KRT84: variants seen among roughly 807,000 people sequenced by gnomAD.
The protein encoded by KRT84 is keratin 84.
In KRT84, 38 loss-of-function variants were observed where a neutral mutation model predicts 49.0. That is an observed-to-expected ratio of 0.78 (90% CI 0.60 to 1.02). The LOEUF is 1.02. Among genes scored for constraint, KRT84 ranks in the 50% least tolerant of loss-of-function variants. The probability of loss-of-function intolerance (pLI) is 0.00; values close to 1 mark genes in which losing one functional copy is unlikely to be tolerated. For synonymous variants in KRT84, 334 were observed against 312.8 expected (o/e 1.07, Z -0.72); for missense variants, 860 against 788.6 (o/e 1.09, Z -1.08).
Position 52,381,445 on chromosome 12 carries a change from A to G in KRT84, c.993T>C (p.Asp331=), listed in dbSNP as rs779779148. The G allele has an allele frequency of 5.0e-6, 8 of 1,614,026 alleles. No homozygotes were observed. The highest frequency in any genetic ancestry group is 1.6e-4 in the Middle Eastern group (1 of 6,084). ...GGGCCTTGACCTCAGCAATGATCCC[A>G]TCAAGGTTCAGGTCACGGCTGTTGT... ...KMDNSRDLNL[D]GIIAEVKAQY... is the part of the protein sequence containing the mutation. Residue 331 remains aspartate (D), a synonymous_variant, in exon 5 of 9, where the codon GAT becomes GAC. Transcript: ENST00000257951.
At chr12:52,382,921 G>A (rs971724082) in intron 3 of KRT84, 84 bp downstream of exon 3, 12 of 1,124,132 alleles carry the variant, frequency 1.1e-5, no homozygotes, top group African/African-American at 1.5e-5. Context: ...ACTCCACAGG[G>A]CTGCCTGAGC....
chr12:52,385,832 G>C (rs992649641), upstream of KRT84, among the ~76,000 whole-genome samples: 2 of 152,218 alleles, frequency 1.3e-5, no homozygotes, highest in African/African-American at 4.8e-5. Context: ...ATTGGGATGA[G>C]GGCTGTAACA....
At chr12:52,379,606 G>T (rs1939444820) in intron 8 of KRT84, among the ~76,000 whole-genome samples, 1 of 152,212 alleles carries the variant, frequency 6.6e-6, no homozygotes, top group South Asian at 2.1e-4. Flanking sequence ...GAAGGACAAG[G>T]CCGCTCAAAG....
chr12:52,381,321 C>T, intron 5 of KRT84, 40 bp downstream of exon 5: 1 of 1,613,378 alleles, frequency 6.2e-7, no homozygotes, highest in Non-Finnish European at 8.5e-7. Context: ...GAGTCATTCC[C>T]AGAGCTGCCT....
chr12:52,382,624 C>G, intron 3 of KRT84, 92 bp from the exon 4 acceptor site: 1 of 1,001,172 alleles, frequency 1.0e-6, no homozygotes, highest in Non-Finnish European at 1.6e-6. Flanking sequence ...GAGGCAGCCA[C>G]TTCCCACAGA....
Position 52,381,343 on chromosome 12 carries a change from C to G in KRT84, c.1077+18G>C. 1 of 1,614,106 alleles carries G rather than the reference C, an allele frequency of 6.2e-7. No individual in the cohort carries two copies. Among genetic ancestry groups the G allele is most frequent in the Non-Finnish European group, 8.5e-7 (1 of 1,179,990 alleles). On this transcript the variant is annotated intron_variant, in intron 5 of 8. Transcript: ENST00000257951. ...TCCCAGAGCTGCCTACATCCCTTCCCCAGCCTCCACTGCCCACCTTGGTCT... is the reference window on the plus strand; with the variant it reads ...TCCCAGAGCTGCCTACATCCCTTCCGCAGCCTCCACTGCCCACCTTGGTCT...
In KRT84 at chr12:52,385,275, C is replaced by A. The variant is rs149811135; in HGVS notation, c.311G>T (p.Gly104Val). 1.9e-5 allele frequency: 30 copies of A among 1,614,146 alleles called. No individual in the cohort carries two copies. The African/African-American group carries it at 2.0e-4, about 11-fold the overall frequency. The change falls in exon 1 of 9, where the codon GGT (glycine) becomes GTT (valine). Residue 104 changes from glycine to valine, a missense_variant. By Grantham distance (109) the Gly-to-Val change is moderately radical (BLOSUM62 -3). Coordinates refer to ENST00000257951, the MANE Select transcript of KRT84 (RefSeq NM_033045.4). ...GLGPRADSCV[G>V]LGFGAGSGIG... is the part of the protein sequence containing the mutation. ...GCCACTGCCAGCTCCAAAGCCCAGA[C>A]CAACACAGCTGTCAGCCCTAGGCCC...
Position 52,380,353 on chromosome 12 carries a change from G to T in KRT84, c.1424+10C>A. On this transcript the variant is annotated intron_variant, in intron 7 of 8. Transcript: ENST00000257951. ...TGACTTCACTCTCCTGCTGGACTGA[G>T]AGTACTCACCGGCTCTCCTCGCCCT... The T allele has an allele frequency of 6.2e-7, 1 of 1,613,604 alleles. No individual in the cohort carries two copies. Among genetic ancestry groups the T allele is most frequent in the Non-Finnish European group, 8.5e-7 (1 of 1,179,970 alleles).
rs200623171 is a variant in KRT84 at position 52,382,471 on chromosome 12, T to C, written c.878A>G (p.Gln293Arg). 19 of 1,612,976 alleles carry C rather than the reference T, an allele frequency of 1.2e-5. No homozygotes were observed. The highest frequency in any genetic ancestry group is 1.5e-5 in the Non-Finnish European group (18 of 1,179,054). ...AAGCGTTTTTAGAAAGTCAATTTCCTGAGTTAGGGTATCCACGTTGGCCTC... is the reference window on the plus strand; with the variant it reads ...AAGCGTTTTTAGAAAGTCAATTTCCCGAGTTAGGGTATCCACGTTGGCCTC... ...DLEANVDTLT[Q>R]EIDFLKTLYM... is the part of the protein sequence containing the mutation. The change falls in exon 4 of 9, where the codon CAG (glutamine) becomes CGG (arginine). Residue 293 changes from glutamine (Q) to arginine (R), a missense_variant. By Grantham distance (43) the Gln-to-Arg change is conservative (BLOSUM62 1). Transcript: ENST00000257951.
At chr12:52,380,699 C>T (rs1179871209) in intron 6 of KRT84, 116 bp from the exon 7 acceptor site, 4 of 1,085,504 alleles carry the variant, frequency 3.7e-6, no homozygotes, top group Admixed American at 5.4e-5. Context: ...CAGGGATGGA[C>T]CCCATGGTGG....
Position 52,381,120 on chromosome 12 carries a change from A to C in KRT84, c.1163T>G (p.Ile388Ser). The C allele has an allele frequency of 1.2e-6, 2 of 1,613,820 alleles. No homozygotes were observed. The highest frequency in any genetic ancestry group is 1.7e-6 in the Non-Finnish European group (2 of 1,179,968). The change falls in exon 6 of 9, where the codon ATC becomes AGC. Residue 388 changes from isoleucine (I) to serine (S), a missense_variant. Transcript: ENST00000257951. ...RNEINELTRL[I>S]QRLKAEIEHA... The stretch of plus-strand genomic sequence containing the variant: ...CTCAATCTCTGCCTTAAGCCTCTGG[A>C]TCAGGCGGGTCAGTTCGTTGATCTC...
Position 52,380,427 on chromosome 12 carries a change from C to T in KRT84, c.1360G>A (p.Ala454Thr). 6.2e-7 allele frequency: 1 copy of T among 1,614,230 alleles called. No homozygotes were observed. Among genetic ancestry groups the T allele is most frequent in the Non-Finnish European group, 8.5e-7 (1 of 1,180,038 alleles). The change falls in exon 7 of 9, where the codon GCC becomes ACC. Residue 454 changes from alanine to threonine, a missense_variant. Coordinates refer to ENST00000257951, the MANE Select transcript of KRT84 (RefSeq NM_033045.4). Reference sequence around the variant, plus strand: ...ATCTCGATGTCCAGGCCCAGCTTGGCATTCATCAGCTCCTGGTACTCGCAC... The same window carrying T: ...ATCTCGATGTCCAGGCCCAGCTTGGTATTCATCAGCTCCTGGTACTCGCAC... ...QLCEYQELMN[A>T]KLGLDIEIAT...
rs1388234057 is a variant in KRT84, at chr12:52,380,463, C to T, written c.1324G>A (p.Ala442Thr). The change falls in exon 7 of 9, where the codon GCG becomes ACG. Residue 442 changes from alanine to threonine, a missense_variant. Physicochemically the swap from Ala to Thr is moderately conservative, Grantham distance 58. Coordinates refer to ENST00000257951, the MANE Select transcript of KRT84 (RefSeq NM_033045.4). ...CALQQAKQDM[A>T]RQLCEYQELM... is the part of the protein sequence containing the mutation. ...TCCTGGTACTCGCACAGCTGCCGCGCCATGTCCTGCTTGGCCTGCTGCAGG... is the reference window on the plus strand; with the variant it reads ...TCCTGGTACTCGCACAGCTGCCGCGTCATGTCCTGCTTGGCCTGCTGCAGG... The T allele has an allele frequency of 1.2e-6, 2 of 1,614,220 alleles. No individual in the cohort carries two copies. The highest frequency in any genetic ancestry group is 1.7e-6 in the Non-Finnish European group (2 of 1,180,016).
intron 3 of KRT84, 39 bp from the exon 4 acceptor site, chr12:52,382,571 G>T: frequency 6.6e-7 from 1 of 1,522,364 alleles, no homozygotes. Context: ...CATCGCCTGG[G>T]CACTGTTTCA....
At position 52,378,238 on chromosome 12, in the gene KRT84, G is replaced by T; in HGVS notation, c.1599C>A (p.Ser533Arg). 2 of 1,564,754 alleles carry T rather than the reference G, an allele frequency of 1.3e-6. No individual in the cohort carries two copies. The highest frequency in any genetic ancestry group is 1.9e-5 in the Admixed American group (1 of 53,876). ...TSGVLASCGP[S>R]LGGARVAPAT... ...CCGGGGCGACCCGGGCTCCACCCAG[G>T]CTGGGGCCACAGGAAGCCAGGACCC... The change falls in exon 9 of 9, where the codon AGC becomes AGA. Residue 533 changes from serine to arginine, a missense_variant. By Grantham distance (110) the Ser-to-Arg change is moderately radical. Coordinates refer to ENST00000257951, the MANE Select transcript of KRT84 (RefSeq NM_033045.4).
chr12:52,382,124 C>T (rs1024496959), intron 4 of KRT84, among the ~76,000 whole-genome samples: 7 of 152,140 alleles, frequency 4.6e-5, no homozygotes, highest in African/African-American at 1.7e-4. Context: ...TCTTACCTCT[C>T]CTGGCAAATC....
upstream of KRT84, among the ~76,000 whole-genome samples, chr12:52,385,855 A>G (rs1939566743): frequency 6.6e-6 from 1 of 152,222 alleles, no homozygotes; most frequent in African/African-American, 2.4e-5. Context: ...AAACCAATAA[A>G]CATTAAAAAC....
upstream of KRT84, among the ~76,000 whole-genome samples, chr12:52,386,777 A>G (rs1939578858): frequency 1.3e-5 from 2 of 152,112 alleles, no homozygotes; most frequent in African/African-American, 2.4e-5. Flanking sequence ...TATCATTGTT[A>G]GCAATATTGC....
chr12:52,382,678 C>T (rs1592147873), intron 3 of KRT84, 146 bp from the exon 4 acceptor site: 1 of 656,982 alleles, frequency 1.5e-6, no homozygotes, highest in African/African-American at 1.8e-5. Flanking sequence ...AACTTTTGCT[C>T]ATTTCCCTAT....
Sources: gnomAD v4.1 joint callset for allele counts (sites outside exome capture counted in the v4.1 genomes callset) on GRCh38, gnomAD v4.1.1 for gene constraint, MANE v1.5 for transcripts, NCBI Gene and HGNC (gene_info 2026-07-23, HGNC 2026-07-21) for gene names.